The following PIK3C2G variants were observed in gnomAD, a reference collection of about 807,000 sequenced individuals.
PIK3C2G encodes phosphatidylinositol-4-phosphate 3-kinase catalytic subunit type 2 gamma.
PIK3C2G carries 168 observed loss-of-function variants against 181.1 expected under a neutral mutation model. That is an observed-to-expected ratio of 0.93 (90% CI 0.82 to 1.05). The LOEUF (loss-of-function observed/expected upper bound fraction) is 1.05. Ranked by LOEUF, PIK3C2G falls within the 50% of genes least tolerant of loss-of-function variation. The pLI, the probability that PIK3C2G is intolerant of heterozygous loss-of-function variation, is 0.00. For synonymous variants in PIK3C2G, 573 were observed against 592.2 expected, an observed-to-expected ratio of 0.97 and a Z score of 0.47; for missense variants, 1,869 against 1,732.8, an observed-to-expected ratio of 1.08 and a Z score of -1.40.
chr12:18,446,543 G>A (rs1335897109), intron 18 of PIK3C2G, among the ~76,000 whole-genome samples: 2 of 152,030 alleles, frequency 1.3e-5, no homozygotes, highest in African/African-American at 2.4e-5. Context: ...CACCCATACC[G>A]TGTGATTTTT....
intron 18 of PIK3C2G, among the ~76,000 whole-genome samples, chr12:18,469,031 T>C (rs1283406707): frequency 6.6e-6 from 1 of 152,218 alleles, no homozygotes; most frequent in African/African-American, 2.4e-5. Context: ...TCATAATCCA[T>C]CTTTGCAGCA....
intron 30 of PIK3C2G, among the ~76,000 whole-genome samples, chr12:18,600,632 C>T (rs1592687177): frequency 6.6e-6 from 1 of 151,768 alleles, no homozygotes; most frequent in East Asian, 1.9e-4. Flanking sequence ...CAAGAATTAA[C>T]CATAGAAAGA....
chr12:18,566,152 G>T (rs1463636215), intron 28 of PIK3C2G, among the ~76,000 whole-genome samples: 1 of 152,130 alleles, frequency 6.6e-6, no homozygotes, highest in Non-Finnish European at 1.5e-5. Context: ...TAATCAGTGG[G>T]GTGGCATGAA....
chr12:18,554,229 G>C (rs972823870), intron 26 of PIK3C2G, among the ~76,000 whole-genome samples: 10 of 151,968 alleles, frequency 6.6e-5, no homozygotes, highest in African/African-American at 1.9e-4. Flanking sequence ...AAATCATGTG[G>C]AAAAAAGTTC....
intron 12 of PIK3C2G, among the ~76,000 whole-genome samples, chr12:18,364,384 A>G (rs1384524805): frequency 1.3e-5 from 2 of 152,222 alleles, no homozygotes; most frequent in Non-Finnish European, 2.9e-5. Flanking sequence ...ATCATTGGGC[A>G]AAATTGTTCA....
rs140567137 is a variant in PIK3C2G, at chr12:18,423,761, T to C, written c.2410-184T>C. ...AGCAAAACTATACAAATCCAAATGG[T>C]GTAATGTATATGTGTTTTGTTATTA... is the stretch of plus-strand genomic sequence containing the variant. On this transcript the variant is annotated intron_variant, in intron 17 of 32. Coordinates refer to ENST00000538779, the MANE Select transcript of PIK3C2G (RefSeq NM_001288772.2). Among the ~76,000 whole-genome samples the C allele has an allele frequency of 3.3e-5, 5 of 152,288 alleles. No individual in the cohort carries two copies. In the East Asian group the frequency reaches 9.7e-4, roughly 29 times the overall value.
chr12:18,304,499 A>C (rs997616173), intron 5 of PIK3C2G, among the ~76,000 whole-genome samples: 37 of 152,130 alleles, frequency 2.4e-4, no homozygotes, highest in African/African-American at 8.7e-4. Context: ...TCTAGTGATC[A>C]ACCCGCCCCG....
the PIK3C2G span, chr12:18,694,067 CAG>C: frequency 7.8e-7 from 1 of 1,286,246 alleles, no homozygotes; most frequent in South Asian, 1.2e-5. Context: ...TTATAAGAAA[CAG>C]GAAGACACCC....
chr12:18,481,198 T>C (rs915109972), intron 18 of PIK3C2G, among the ~76,000 whole-genome samples: 2 of 152,168 alleles, frequency 1.3e-5, no homozygotes, highest in Non-Finnish European at 2.9e-5. Context: ...CCTCCCAAAA[T>C]GCTAGGATTA....
chr12:18,348,216 A>C (rs1427067818), intron 11 of PIK3C2G, among the ~76,000 whole-genome samples: 1 of 151,890 alleles, frequency 6.6e-6, no homozygotes, highest in Non-Finnish European at 1.5e-5. Flanking sequence ...TATATATATA[A>C]ATATATACAT....
At chr12:18,341,736 C>A (rs1037656945) in intron 9 of PIK3C2G, among the ~76,000 whole-genome samples, 4 of 152,092 alleles carry the variant, frequency 2.6e-5, no homozygotes, top group African/African-American at 9.7e-5. Flanking sequence ...TTAACAATGC[C>A]AAAGCAGTCT....
upstream of PIK3C2G, among the ~76,000 whole-genome samples, chr12:18,259,978 C>CGT (rs150669136): frequency 9.2e-3 from 1,405 of 152,064 alleles, 21 homozygotes; most frequent in African/African-American, 0.031. Context: ...AATAGGTAAG[C>CGT]GTACATGTTA....
intron 26 of PIK3C2G, among the ~76,000 whole-genome samples, chr12:18,561,119 G>C (rs914338550): frequency 6.6e-6 from 1 of 152,200 alleles, no homozygotes; most frequent in Admixed American, 6.5e-5. Context: ...ACTTCTTAAA[G>C]AATTTACTGG....
chr12:18,383,041 G>C (rs1942943175), intron 14 of PIK3C2G, among the ~76,000 whole-genome samples: 1 of 152,094 alleles, frequency 6.6e-6, no homozygotes, highest in African/African-American at 2.4e-5. Flanking sequence ...CAATATCATA[G>C]ACACTCCACA....
At chr12:18,344,781 T>C (rs772630560) in intron 10 of PIK3C2G, among the ~76,000 whole-genome samples, 2 of 152,068 alleles carry the variant, frequency 1.3e-5, no homozygotes, top group Non-Finnish European at 2.9e-5. Context: ...AGAGTAAAAT[T>C]AGGTGCGATA....
chr12:18,315,749 T>C (rs533438227), intron 6 of PIK3C2G, among the ~76,000 whole-genome samples: 64 of 152,278 alleles, frequency 4.2e-4, no homozygotes, highest in African/African-American at 1.4e-3. Flanking sequence ...AGTACAGATT[T>C]GAGCACAGTC....
At chr12:18,620,150 A>G (rs189385223) in intron 31 of PIK3C2G, among the ~76,000 whole-genome samples, 1 of 152,306 alleles carries the variant, frequency 6.6e-6, no homozygotes, top group East Asian at 1.9e-4. Flanking sequence ...ATGAAAGTCA[A>G]TTAAGTCACA....
intron 6 of PIK3C2G, among the ~76,000 whole-genome samples, chr12:18,316,896 C>A (rs992795387): frequency 6.6e-6 from 1 of 152,048 alleles, no homozygotes; most frequent in Non-Finnish European, 1.5e-5. Context: ...AAGATCTCAG[C>A]CCTCAGGGAT....
the PIK3C2G span, among the ~76,000 whole-genome samples, chr12:18,716,775 T>A: frequency 1.3e-5 from 2 of 152,228 alleles, no homozygotes; most frequent in East Asian, 3.8e-4. Flanking sequence ...ATACTGTAAT[T>A]TTTGTTGTAA....
Sources: allele counts gnomAD v4.1 joint callset (sites outside exome capture counted in the v4.1 genomes callset), GRCh38; gene constraint gnomAD v4.1.1; transcripts MANE v1.5; gene names NCBI Gene and HGNC (gene_info 2026-07-23, HGNC 2026-07-21).